Variants in ZDHHC21 observed in about 807,000 individuals in gnomAD.
ZDHHC21 encodes palmitoyltransferase ZDHHC21.
In ZDHHC21, 15 loss-of-function variants were observed where a neutral mutation model predicts 34.6. The ratio of observed to expected loss-of-function variants is 0.43; its 90% CI spans 0.29 to 0.67. ZDHHC21 has a LOEUF of 0.67. Among genes scored for constraint, ZDHHC21 ranks in the 30% least tolerant of loss-of-function variants. The probability of loss-of-function intolerance (pLI) is 0.14; values close to 1 mark genes in which losing one functional copy is unlikely to be tolerated. For synonymous variants in ZDHHC21, 142 were observed against 101.8 expected (o/e 1.40, Z -2.38); for missense variants, 344 against 327.7 (o/e 1.05, Z -0.38).
chr9:14,621,985 C>T (rs1450150969), intron 8 of ZDHHC21, among the ~76,000 whole-genome samples: 1 of 152,042 alleles, frequency 6.6e-6, no homozygotes, highest in African/African-American at 2.4e-5. Flanking sequence ...AACTATTATC[C>T]TCAAGGAGTT....
intron 7 of ZDHHC21, among the ~76,000 whole-genome samples, chr9:14,651,671 C>G (rs1334325271): frequency 6.6e-6 from 1 of 151,908 alleles, no homozygotes; most frequent in Non-Finnish European, 1.5e-5. Flanking sequence ...AGAAGGTATA[C>G]TCTTTAAATA....
At chr9:14,632,361 T>C (rs1301241480) in intron 8 of ZDHHC21, among the ~76,000 whole-genome samples, 1 of 152,056 alleles carries the variant, frequency 6.6e-6, no homozygotes, top group Admixed American at 6.6e-5. Flanking sequence ...GAATTGTCTT[T>C]GCAAGAAATG....
the ZDHHC21 span, among the ~76,000 whole-genome samples, chr9:14,597,958 C>A: frequency 6.6e-6 from 1 of 152,152 alleles, no homozygotes; most frequent in South Asian, 2.1e-4. Flanking sequence ...AGAGAACTTG[C>A]CTGCCCAGCT....
At chr9:14,689,074 CA>C (rs1367470658) in intron 2 of ZDHHC21, among the ~76,000 whole-genome samples, 1 of 152,090 alleles carries the variant, frequency 6.6e-6, no homozygotes, top group African/African-American at 2.4e-5. Flanking sequence ...AACACAAGAA[CA>C]ACAAAAAATG....
In ZDHHC21 at chr9:14,617,117, C is replaced by T. The variant is rs546792833; in HGVS notation, c.*1849G>A. 2 of 152,044 alleles carry T rather than the reference C, an allele frequency of 1.3e-5. No homozygotes were observed. Among genetic ancestry groups the T allele is most frequent in the South Asian group, 2.1e-4 (1 of 4,828 alleles). 9.4% of individuals were successfully genotyped at this position (152,044 alleles called of 1,614,324 possible). ...ACCTACCTTATCTATATATTACTTC[C>T]TTATGAACAGTTCTGTCACCAGGCC... is the stretch of plus-strand genomic sequence containing the variant. On this transcript the variant is annotated 3_prime_UTR_variant, in exon 10 of 10. Transcript: ENST00000380916.
intron 8 of ZDHHC21, among the ~76,000 whole-genome samples, chr9:14,620,379 A>G (rs1825090845): frequency 6.6e-6 from 1 of 152,040 alleles, no homozygotes; most frequent in African/African-American, 2.4e-5. Context: ...GCAAATTGTT[A>G]TAAGCAATAG....
intron 8 of ZDHHC21, among the ~76,000 whole-genome samples, chr9:14,631,159 GTTGTT>G (rs1253956424): frequency 6.6e-6 from 1 of 152,230 alleles, no homozygotes; most frequent in African/African-American, 2.4e-5. Context: ...CTGAACATCT[GTTGTT>G]TTGTGTGGCC....
chr9:14,626,261 C>A (rs181895130), intron 8 of ZDHHC21, among the ~76,000 whole-genome samples: 11 of 151,850 alleles, frequency 7.2e-5, no homozygotes, highest in African/African-American at 2.4e-4. Flanking sequence ...CATAAGCAAA[C>A]CATAAATATA....
intron 7 of ZDHHC21, among the ~76,000 whole-genome samples, chr9:14,646,196 T>C (rs1004841728): frequency 6.6e-6 from 1 of 152,102 alleles, no homozygotes; most frequent in Non-Finnish European, 1.5e-5. Context: ...AAATGAAATA[T>C]TATGAGGATT....
At chr9:14,609,267 AATT>A (rs529980076), downstream of ZDHHC21, among the ~76,000 whole-genome samples, 6 of 152,282 alleles carry the variant, frequency 3.9e-5, no homozygotes, top group Non-Finnish European at 8.8e-5. Context: ...ACTTCAGGTG[AATT>A]CCAGAATTTA....
chr9:14,682,571 G>A (rs1315953449), intron 2 of ZDHHC21, among the ~76,000 whole-genome samples: 1 of 152,142 alleles, frequency 6.6e-6, no homozygotes, highest in Non-Finnish European at 1.5e-5. Context: ...AGAGACTTAA[G>A]ACTCCCACAC....
intron 7 of ZDHHC21, among the ~76,000 whole-genome samples, chr9:14,658,036 T>C (rs1327769338): frequency 6.6e-6 from 1 of 152,194 alleles, no homozygotes; most frequent in East Asian, 1.9e-4. Context: ...TGCAAATTCA[T>C]GATATCATTA....
chr9:14,691,940 G>A (rs2382476), intron 1 of ZDHHC21, among the ~76,000 whole-genome samples: 144,345 of 152,304 alleles, frequency 0.95, 68,463 homozygotes, highest in Middle Eastern at 0.98. Context: ...ATTTAGTCTG[G>A]CTCTCTGATG....
intron 8 of ZDHHC21, among the ~76,000 whole-genome samples, chr9:14,635,980 A>G (rs1014602106): frequency 2.0e-5 from 3 of 152,202 alleles, no homozygotes; most frequent in Non-Finnish European, 4.4e-5. Flanking sequence ...ATAAACAATA[A>G]AAGAAAAAGA....
intron 3 of ZDHHC21, among the ~76,000 whole-genome samples, chr9:14,679,377 T>G (rs1393764796): frequency 3.9e-5 from 6 of 152,184 alleles, no homozygotes. Flanking sequence ...TGCTTCTGTT[T>G]GAAATTTTTC....
chr9:14,598,490 G>C, the ZDHHC21 span, among the ~76,000 whole-genome samples: 1 of 152,042 alleles, frequency 6.6e-6, no homozygotes, highest in Non-Finnish European at 1.5e-5. Context: ...AAAGGAAAAA[G>C]CAACTATTAC....
At chr9:14,659,772 TAGAG>T (rs1833008119) in intron 6 of ZDHHC21, among the ~76,000 whole-genome samples, 1 of 152,164 alleles carries the variant, frequency 6.6e-6, no homozygotes. Context: ...TGAAAAACCT[TAGAG>T]AGGCATTTCT....
chr9:14,665,944 C>T (rs934355416), intron 5 of ZDHHC21, among the ~76,000 whole-genome samples: 33 of 149,004 alleles, frequency 2.2e-4, no homozygotes, highest in African/African-American at 4.4e-4. Context: ...CATCAACTAA[C>T]GAGCAAAATC....
At chr9:14,675,037 G>T (rs1836129761) in intron 3 of ZDHHC21, among the ~76,000 whole-genome samples, 1 of 151,864 alleles carries the variant, frequency 6.6e-6, no homozygotes, top group African/African-American at 2.4e-5. Context: ...AATAAAAAGT[G>T]AAAACTAATT....
Sources: allele counts gnomAD v4.1 joint callset (sites outside exome capture counted in the v4.1 genomes callset), GRCh38; gene constraint gnomAD v4.1.1; transcripts MANE v1.5; gene names NCBI Gene and HGNC (gene_info 2026-07-23, HGNC 2026-07-21).